Variants in RBFOX1 observed in about 807,000 individuals in gnomAD.
RBFOX1 encodes RNA binding protein fox-1 homolog 1.
RBFOX1 carries 8 observed loss-of-function variants against 57.7 expected under a neutral mutation model. The observed-to-expected ratio is 0.14, with a 90% CI of 0.08 to 0.25. The LOEUF (loss-of-function observed/expected upper bound fraction) is 0.25. RBFOX1 is among the 10% of genes least tolerant of loss of function. RBFOX1 has a pLI of 1.00. For missense variants in RBFOX1, 611 were observed against 548.5 expected, an observed-to-expected ratio of 1.11 and a Z score of -1.14; for synonymous variants, 326 against 222.4, an observed-to-expected ratio of 1.47 and a Z score of -4.15.
chr16:6,311,579 A>G (rs2080319688), intron 1 of RBFOX1, among the ~76,000 whole-genome samples: 1 of 152,156 alleles, frequency 6.6e-6, no homozygotes. Context: ...CTGTCCTTAG[A>G]AAAGCAACCA....
At chr16:6,793,101 C>T (rs529346695) in intron 3 of RBFOX1, among the ~76,000 whole-genome samples, 1 of 151,612 alleles carries the variant, frequency 6.6e-6, no homozygotes, top group East Asian at 1.9e-4. Context: ...CCAGATTGCA[C>T]AAAAGTTCAT....
chr16:6,208,154 G>A (rs11646627), intron 1 of RBFOX1, among the ~76,000 whole-genome samples: 62,353 of 151,436 alleles, frequency 0.41, 13,122 homozygotes, highest in East Asian at 0.71. Flanking sequence ...AATTATATAT[G>A]TTATGTTTTA....
At chr16:7,177,876 G>C (rs1330438039) in intron 4 of RBFOX1, among the ~76,000 whole-genome samples, 2 of 152,188 alleles carry the variant, frequency 1.3e-5, no homozygotes, top group Non-Finnish European at 2.9e-5. Context: ...ACAGGATTTG[G>C]CCTGTGGGTT....
At chr16:6,197,490 G>A (rs1012013995) in intron 1 of RBFOX1, among the ~76,000 whole-genome samples, 5 of 152,054 alleles carry the variant, frequency 3.3e-5, no homozygotes, top group Non-Finnish European at 7.4e-5. Context: ...CTCCACCTGA[G>A]CACAATTAAT....
chr16:6,321,754 G>C (rs542709710), intron 2 of RBFOX1, among the ~76,000 whole-genome samples: 83 of 152,310 alleles, frequency 5.4e-4, no homozygotes, highest in African/African-American at 1.9e-3. Flanking sequence ...TTGTGTAAGT[G>C]AGAGAAATAT....
chr16:6,909,950 A>G (rs1455968086), intron 3 of RBFOX1, among the ~76,000 whole-genome samples: 4 of 151,954 alleles, frequency 2.6e-5, no homozygotes, highest in Admixed American at 2.6e-4. Flanking sequence ...TTCATGAGCC[A>G]TTTCTGATTT....
intron 1 of RBFOX1, among the ~76,000 whole-genome samples, chr16:6,210,917 T>G (rs1033580368): frequency 6.6e-6 from 1 of 151,998 alleles, no homozygotes; most frequent in Non-Finnish European, 1.5e-5. Context: ...AAACACAAGG[T>G]CTTTTTTTGT....
intron 4 of RBFOX1, among the ~76,000 whole-genome samples, chr16:7,191,731 G>C (rs533966370): frequency 1.1e-3 from 164 of 152,334 alleles, no homozygotes; most frequent in Non-Finnish European, 1.8e-3. Flanking sequence ...AAATTTTAAA[G>C]AAGGGGGTTA....
intron 1 of RBFOX1, among the ~76,000 whole-genome samples, chr16:6,100,307 C>T (rs1382834093): frequency 2.0e-5 from 3 of 152,052 alleles, no homozygotes; most frequent in Non-Finnish European, 1.5e-5. Flanking sequence ...GGACTACAGG[C>T]GCCCGCCATT....
In RBFOX1 at chr16:6,019,536, C is replaced by T; in HGVS notation, c.-583C>T. ...GTGGGGCGGGGGCGCTCTGCCAGCC[C>T]CGGGAACAGCAGAGGCGGCGGCACT... On this transcript the variant is annotated 5_prime_UTR_variant, in exon 1 of 16. Transcript: ENST00000550418. This position sits in a 1 kb window ranked among gnomAD's most constrained non-coding sequence, Gnocchi z 4.2. 9.2e-7 allele frequency: 1 copy of T among 1,085,576 alleles called. No homozygotes were observed. The highest frequency in any genetic ancestry group is 1.1e-6 in the Non-Finnish European group (1 of 894,696). The allele number at this position is 1,085,576 out of a possible 1,614,324, so 67.2% of individuals were successfully genotyped here.
chr16:7,428,714 G>C (rs1053425538), intron 4 of RBFOX1, among the ~76,000 whole-genome samples: 13 of 151,926 alleles, frequency 8.6e-5, no homozygotes, highest in Middle Eastern at 3.4e-3. Context: ...ATTGGAGTCA[G>C]ACAGCTTACA....
At chr16:5,654,290 T>A (rs1390596280) in intron 3 of RBFOX1, among the ~76,000 whole-genome samples, 3 of 152,210 alleles carry the variant, frequency 2.0e-5, no homozygotes, top group African/African-American at 7.2e-5. Flanking sequence ...CCATATTGGC[T>A]TCTGGGAGCC....
chr16:6,475,288 G>A (rs563537302), intron 2 of RBFOX1, among the ~76,000 whole-genome samples: 17 of 152,284 alleles, frequency 1.1e-4, no homozygotes, highest in African/African-American at 2.9e-4. Flanking sequence ...TGTCAGCAGT[G>A]TGCTTGATTC....
At chr16:5,293,869 T>C (rs765045230) in intron 1 of RBFOX1, among the ~76,000 whole-genome samples, 3 of 152,174 alleles carry the variant, frequency 2.0e-5, no homozygotes, top group Non-Finnish European at 4.4e-5. Context: ...ACATTGTGAA[T>C]GTATTTAATG....
At chr16:6,427,647 G>A (rs75321702) in intron 2 of RBFOX1, among the ~76,000 whole-genome samples, 5,605 of 152,148 alleles carry the variant, frequency 0.037, 369 homozygotes, top group African/African-American at 0.13. Flanking sequence ...ATTATTTTTT[G>A]CAAACAATTG....
chr16:7,287,904 G>A (rs369382702), intron 4 of RBFOX1, among the ~76,000 whole-genome samples: 12 of 151,974 alleles, frequency 7.9e-5, no homozygotes, highest in African/African-American at 2.7e-4. Flanking sequence ...TTTTTCCCTC[G>A]GTGTATTTTC....
intron 11 of RBFOX1, among the ~76,000 whole-genome samples, chr16:7,635,555 C>T (rs1450512497): frequency 1.3e-5 from 2 of 151,956 alleles, no homozygotes; most frequent in African/African-American, 4.8e-5. Flanking sequence ...AAAGGACATA[C>T]ACACATGCAA....
chr16:7,709,282 C>CCA (rs1896738533), intron 15 of RBFOX1, 151 bp downstream of exon 15: 4 of 931,640 alleles, frequency 4.3e-6, no homozygotes, highest in Non-Finnish European at 4.7e-6. Flanking sequence ...ATTAATCCTC[C>CCA]CAGTAAACTT....
intron 2 of RBFOX1, among the ~76,000 whole-genome samples, chr16:6,324,512 C>T (rs1430389767): frequency 1.3e-5 from 2 of 152,168 alleles, no homozygotes; most frequent in African/African-American, 4.8e-5. Context: ...GCACATCTTA[C>T]ATGGCCAGAG....
Sources: allele counts gnomAD v4.1 joint callset (sites outside exome capture counted in the v4.1 genomes callset), GRCh38; gene constraint gnomAD v4.1.1; non-coding constraint Gnocchi (gnomAD v3.1); transcripts MANE v1.5; gene names NCBI Gene and HGNC (gene_info 2026-07-23, HGNC 2026-07-21).